Variants in EPHA6 observed in about 807,000 individuals in gnomAD.
EPHA6 encodes the protein EPH receptor A6, also known as ephrin type-A receptor 6.
EPHA6 carries 50 observed loss-of-function variants against 112.0 expected under a neutral mutation model. The observed-to-expected ratio is 0.45, with a 90% CI of 0.36 to 0.56. The LOEUF is 0.56. Among genes scored for constraint, EPHA6 ranks in the 20% least tolerant of loss-of-function variants. The pLI, the probability that EPHA6 is intolerant of heterozygous loss-of-function variation, is 0.00. For synonymous variants in EPHA6, 529 were observed against 490.7 expected, an observed-to-expected ratio of 1.08 and a Z score of -1.03; for missense variants, 1,280 against 1,417.4, an observed-to-expected ratio of 0.90 and a Z score of 1.56.
chr3:97,260,865 C>A (rs2079477831), intron 5 of EPHA6, among the ~76,000 whole-genome samples: 1 of 152,140 alleles, frequency 6.6e-6, no homozygotes, highest in Non-Finnish European at 1.5e-5. Flanking sequence ...CCAGTCACAG[C>A]ATTTAGGAAC....
chr3:97,436,230 A>G (rs1020757512), intron 6 of EPHA6, among the ~76,000 whole-genome samples: 3 of 152,286 alleles, frequency 2.0e-5, no homozygotes, highest in South Asian at 2.1e-4. Context: ...AGTCAAGACT[A>G]TATAACTTAC....
intron 10 of EPHA6, among the ~76,000 whole-genome samples, chr3:97,505,595 G>C (rs967897767): frequency 1.3e-5 from 2 of 152,108 alleles, no homozygotes; most frequent in African/African-American, 4.8e-5. Context: ...TCATTGATGG[G>C]CATTTGGGTT....
chr3:97,000,165 C>T (rs994058073), intron 3 of EPHA6, among the ~76,000 whole-genome samples: 1 of 151,538 alleles, frequency 6.6e-6, no homozygotes. Flanking sequence ...TCCAAAGCCT[C>T]CTGTTACACA....
chr3:97,437,953 T>A (rs2089938888), intron 6 of EPHA6, among the ~76,000 whole-genome samples: 1 of 152,210 alleles, frequency 6.6e-6, no homozygotes, highest in Non-Finnish European at 1.5e-5. Context: ...CCGTATATTG[T>A]TATTACCAAA....
intron 5 of EPHA6, among the ~76,000 whole-genome samples, chr3:97,277,969 T>A (rs941886169): frequency 1.4e-4 from 21 of 152,236 alleles, no homozygotes; most frequent in Non-Finnish European, 2.9e-5. Context: ...ACAGCAATAT[T>A]TGAGCTCTAT....
Position 97,599,719 on chromosome 3 carries a change from C to T in EPHA6, c.2512+6982C>T, listed in dbSNP as rs1027737172. 7.9e-5 allele frequency among the ~76,000 whole-genome samples: 12 copies of T among 152,194 alleles called. No individual in the cohort carries two copies. In the South Asian group the frequency reaches 8.3e-4, roughly 11 times the overall value. On this transcript the variant is annotated intron_variant, in intron 12 of 17. Coordinates refer to ENST00000389672, the MANE Select transcript of EPHA6 (RefSeq NM_001080448.3). ...ATAGTGTGATGCCTCCAGCTTTGTT[C>T]TTTTGGCTTAGGATTGACTTGGTGA...
rs144001965 is a variant in EPHA6 at position 97,270,446 on chromosome 3, A to G, written c.1606+26159A>G. ...ATGTTAGCAGCCTTGCCAAAAATTA[A>G]TGATATGTGTAATCTTAGCTTGCTA... is the stretch of plus-strand genomic sequence containing the variant. On this transcript the variant is annotated intron_variant, in intron 5 of 17. Coordinates refer to ENST00000389672, the MANE Select transcript of EPHA6 (RefSeq NM_001080448.3). Among the ~76,000 whole-genome samples the G allele has an allele frequency of 1.8e-4, 28 of 152,340 alleles. 1 individual carries two copies. The East Asian group carries it at 5.4e-3, about 29-fold the overall frequency.
intron 15 of EPHA6, among the ~76,000 whole-genome samples, chr3:97,725,488 T>C (rs1317632891): frequency 6.6e-6 from 1 of 152,140 alleles, no homozygotes; most frequent in Non-Finnish European, 1.5e-5. Flanking sequence ...TCAGAAGGTG[T>C]ATATTACTTT....
chr3:97,695,573 G>T (rs952053411), intron 14 of EPHA6, among the ~76,000 whole-genome samples: 2 of 152,076 alleles, frequency 1.3e-5, no homozygotes, highest in African/African-American at 4.8e-5. Flanking sequence ...ACGGAGTCTC[G>T]CTCTGTCACC....
At chr3:97,235,381 A>G (rs531778895) in intron 4 of EPHA6, among the ~76,000 whole-genome samples, 3 of 152,142 alleles carry the variant, frequency 2.0e-5, no homozygotes, top group South Asian at 4.2e-4. Context: ...CTGTGTCCTG[A>G]TGAATCATCA....
At chr3:97,042,182 G>A (rs553101210) in intron 3 of EPHA6, among the ~76,000 whole-genome samples, 1 of 152,180 alleles carries the variant, frequency 6.6e-6, no homozygotes, top group South Asian at 2.1e-4. Flanking sequence ...TGGGTCCTGG[G>A]GGTGGATCCC....
intron 3 of EPHA6, among the ~76,000 whole-genome samples, chr3:97,058,855 A>G (rs1033929334): frequency 3.9e-5 from 6 of 152,208 alleles, no homozygotes; most frequent in African/African-American, 1.4e-4. Context: ...GATTGTTTTT[A>G]TATTTTATAT....
At chr3:97,529,406 T>C (rs1265011454) in intron 10 of EPHA6, among the ~76,000 whole-genome samples, 2 of 152,056 alleles carry the variant, frequency 1.3e-5, no homozygotes, top group Non-Finnish European at 2.9e-5. Context: ...CCTACCTTTG[T>C]AATGATGATT....
rs774575382 is a variant in EPHA6 at position 96,814,648 on chromosome 3, G to A, written c.25G>A (p.Ala9Thr). MQFPSPPA[A>T]RSSPAPQAAS... ...GATGCAATTCCCCTCGCCTCCAGCC[G>A]CGAGGAGCTCCCCGGCGCCGCAGGC... The change falls in exon 1 of 18, where the codon GCG (alanine) becomes ACG (threonine). Residue 9 changes from alanine (A) to threonine (T), a missense_variant. By Grantham distance (58) the Ala-to-Thr change is moderately conservative. Around this residue, in one of 4 missense-constraint regions of EPHA6, gnomAD observed 220 missense variants for 171.5 expected, o/e 1.28. Coordinates refer to ENST00000389672, the MANE Select transcript of EPHA6 (RefSeq NM_001080448.3). 3.4e-6 allele frequency: 5 copies of A among 1,471,198 alleles called. No homozygotes were observed. The highest frequency in any genetic ancestry group is 4.5e-6 in the Non-Finnish European group (5 of 1,110,828). 91.1% of individuals were successfully genotyped at this position (1,471,198 alleles called of 1,614,324 possible). A position where few individuals can be genotyped will look rare whatever the true frequency, so the allele number is the denominator to read the frequency against.
intron 5 of EPHA6, among the ~76,000 whole-genome samples, chr3:97,346,460 C>A (rs186389442): frequency 9.9e-5 from 15 of 152,126 alleles, no homozygotes; most frequent in Admixed American, 9.8e-4. Flanking sequence ...CTCAGCAGTC[C>A]ACAGATGATA....
chr3:97,544,905 G>T (rs1258807675), intron 11 of EPHA6, among the ~76,000 whole-genome samples: 2 of 152,092 alleles, frequency 1.3e-5, no homozygotes, highest in Admixed American at 6.6e-5. Flanking sequence ...TTCTCTGATG[G>T]TAGTTTGTAT....
chr3:97,470,722 T>C (rs2091205015), intron 7 of EPHA6, among the ~76,000 whole-genome samples: 1 of 151,622 alleles, frequency 6.6e-6, no homozygotes, highest in African/African-American at 2.4e-5. Context: ...TCACAACTTA[T>C]GCCAAACGCT....
intron 3 of EPHA6, among the ~76,000 whole-genome samples, chr3:97,111,308 A>G (rs1482730859): frequency 1.3e-5 from 2 of 152,236 alleles, no homozygotes; most frequent in East Asian, 3.9e-4. Context: ...TTTGAGATCT[A>G]TTATTGTGGT....
chr3:97,300,562 G>A (rs2081053686), intron 5 of EPHA6, among the ~76,000 whole-genome samples: 1 of 152,114 alleles, frequency 6.6e-6, no homozygotes, highest in Non-Finnish European at 1.5e-5. Flanking sequence ...ACATGTTTGT[G>A]ATGATATGTC....
Sources: gnomAD v4.1 joint callset for allele counts (sites outside exome capture counted in the v4.1 genomes callset) on GRCh38, gnomAD v4.1.1 for gene constraint, gnomAD v4.1.1 regional missense constraint, MANE v1.5 for transcripts, NCBI Gene and HGNC (gene_info 2026-07-23, HGNC 2026-07-21) for gene names.